Variants in PRRT1B observed in about 807,000 individuals in gnomAD.
The protein encoded by PRRT1B is dispanin subfamily D member 2.
intron 1 of PRRT1B, among the ~76,000 whole-genome samples, chr9:131,550,316 C>G (rs1417086939): frequency 6.6e-6 from 1 of 152,166 alleles, no homozygotes; most frequent in African/African-American, 2.4e-5. Flanking sequence ...TGTTCTGGAT[C>G]TCAAACATGC....
chr9:131,548,047 G>T (rs1424711770), intron 1 of PRRT1B, among the ~76,000 whole-genome samples: 2 of 152,180 alleles, frequency 1.3e-5, no homozygotes, highest in African/African-American at 4.8e-5. Context: ...TCTCCGTGGG[G>T]ACGCCTGCCT....
chr9:131,556,251 G>A, intron 3 of PRRT1B, 38 bp downstream of exon 3: 1 of 400,712 alleles, frequency 2.5e-6, no homozygotes, highest in Non-Finnish European at 4.4e-6. Flanking sequence ...GCCTCTCCTA[G>A]CACGCAGCCA....
intron 3 of PRRT1B, among the ~76,000 whole-genome samples, chr9:131,557,228 T>TA (rs781176162): frequency 2.6e-5 from 4 of 152,098 alleles, no homozygotes; most frequent in Non-Finnish European, 5.9e-5. Context: ...GATGCCAATG[T>TA]GATGACACTC....
intron 1 of PRRT1B, among the ~76,000 whole-genome samples, chr9:131,550,121 G>T (rs1951000919): frequency 6.6e-6 from 1 of 152,108 alleles, no homozygotes; most frequent in Non-Finnish European, 1.5e-5. Flanking sequence ...GCTACAGCAT[G>T]GGCTTCTAAA....
intron 1 of PRRT1B, among the ~76,000 whole-genome samples, chr9:131,546,898 G>A (rs959106536): frequency 1.3e-5 from 2 of 152,072 alleles, no homozygotes; most frequent in African/African-American, 4.8e-5. Flanking sequence ...ACACCATCCC[G>A]GAGAGACCTG....
At chr9:131,555,761 G>A (rs146768036) in intron 2 of PRRT1B, among the ~76,000 whole-genome samples, 162 of 152,288 alleles carry the variant, frequency 1.1e-3, no homozygotes, top group African/African-American at 3.5e-3. Flanking sequence ...GGCCCCCCAG[G>A]GAGGGGTGGC....
intron 2 of PRRT1B, 95 bp downstream of exon 2, chr9:131,555,124 G>GCAGAGGAGGAAACGCCACCTTGGCCT: frequency 2.6e-6 from 1 of 381,648 alleles, no homozygotes; most frequent in South Asian, 1.4e-4. Flanking sequence ...TTCTGTCCCT[G>GCAGAGGAGGAAACGCCACCTTGGCCT]GGGGCGGGCG....
At chr9:131,558,194 C>G in exon 4 of PRRT1B, 1 of 401,082 alleles carries the variant, frequency 2.5e-6, no homozygotes, top group Non-Finnish European at 4.4e-6. Flanking sequence ...GGCACTCTAC[C>G]TTCCCTGAGG....
At chr9:131,555,580 G>A (rs1951043792) in intron 2 of PRRT1B, among the ~76,000 whole-genome samples, 1 of 152,132 alleles carries the variant, frequency 6.6e-6, no homozygotes, top group South Asian at 2.1e-4. Context: ...TGAGGCTGAG[G>A]CAGGAGGATT....
intron 2 of PRRT1B, 120 bp downstream of exon 2, chr9:131,555,149 C>T (rs1354894860): frequency 2.6e-6 from 1 of 381,092 alleles, no homozygotes; most frequent in African/African-American, 2.1e-5. Context: ...CGGGAGGCTC[C>T]CTGGAGGTGG....
Position 131,551,884 on chromosome 9 carries a change from T to A in PRRT1B, c.26-2673T>A, listed in dbSNP as rs1951014708. Among the ~76,000 whole-genome samples the A allele has an allele frequency of 6.6e-6, 1 of 152,200 alleles. No homozygotes were observed. Among genetic ancestry groups the A allele is most frequent in the Non-Finnish European group, 1.5e-5 (1 of 68,038 alleles). ...GCCTGCACCCAGGTGATTCAAAAGC[T>A]TTATTGCTCACACAAAGCCTGTTTG... On this transcript the variant is annotated intron_variant, in intron 1 of 3. Transcript: ENST00000636672. This position sits in a 1 kb window ranked among gnomAD's most constrained non-coding sequence, Gnocchi z 4.4.
chr9:131,546,321 C>A (rs1240543769), intron 1 of PRRT1B, among the ~76,000 whole-genome samples: 1 of 152,154 alleles, frequency 6.6e-6, no homozygotes, highest in Admixed American at 6.5e-5. Flanking sequence ...GGGGGCAGAG[C>A]TGGAGAGAGG....
intron 2 of PRRT1B, among the ~76,000 whole-genome samples, 180 bp from the exon 3 acceptor site, chr9:131,555,890 G>A (rs1951046017): frequency 6.6e-6 from 1 of 152,130 alleles, no homozygotes; most frequent in African/African-American, 2.4e-5. Context: ...GTGGCCAGGG[G>A]TGCAAGAGGG....
chr9:131,558,286 C>T (rs981552182), exon 4 of PRRT1B: 2 of 400,342 alleles, frequency 5.0e-6, no homozygotes, highest in Non-Finnish European at 8.8e-6. Context: ...GACTCAGATC[C>T]CTGCCGGTGG....
At chr9:131,549,646 C>T (rs1288191478) in intron 1 of PRRT1B, among the ~76,000 whole-genome samples, 1 of 152,156 alleles carries the variant, frequency 6.6e-6, no homozygotes, top group Non-Finnish European at 1.5e-5. Context: ...GTAAGTCCGT[C>T]CCCTTCTTAA....
downstream of PRRT1B, among the ~76,000 whole-genome samples, chr9:131,559,284 A>AAT (rs1951070212): frequency 6.6e-6 from 1 of 152,204 alleles, no homozygotes; most frequent in African/African-American, 2.4e-5. Context: ...CTCTACTAAA[A>AAT]ATACAAAAAT....
chr9:131,549,442 C>G (rs1164657226), intron 1 of PRRT1B, among the ~76,000 whole-genome samples: 1 of 152,182 alleles, frequency 6.6e-6, no homozygotes, highest in Non-Finnish European at 1.5e-5. Flanking sequence ...GTGCGGGACC[C>G]CACTGAAAAT....
At chr9:131,559,629 G>A (rs1951072125), downstream of PRRT1B, among the ~76,000 whole-genome samples, 1 of 152,230 alleles carries the variant, frequency 6.6e-6, no homozygotes, top group South Asian at 2.1e-4. Context: ...AGCTGGAGAG[G>A]CAGGCATGAG....
At chr9:131,552,839 ATTT>A (rs61662684) in intron 1 of PRRT1B, among the ~76,000 whole-genome samples, 6 of 133,822 alleles carry the variant, frequency 4.5e-5, no homozygotes, top group African/African-American at 1.1e-4. Context: ...CACCTGGTTA[ATTT>A]TTTTTTTTTT....
Sources: gnomAD v4.1 joint callset for allele counts (sites outside exome capture counted in the v4.1 genomes callset) on GRCh38, gnomAD v4.1.1 for gene constraint, Gnocchi (gnomAD v3.1) non-coding constraint, MANE v1.5 for transcripts, NCBI Gene and HGNC (gene_info 2026-07-23, HGNC 2026-07-21) for gene names.